The following SPARCL1 variants were observed in gnomAD, a reference collection of about 807,000 sequenced individuals.
SPARCL1 encodes SPARC-like protein 1.
SPARCL1 carries 52 observed loss-of-function variants against 67.1 expected under a neutral mutation model. The ratio of observed to expected loss-of-function variants is 0.78; its 90% confidence interval spans 0.62 to 0.98. SPARCL1 has a LOEUF of 0.98. SPARCL1 is among the 50% of genes least tolerant of loss of function. The probability of loss-of-function intolerance (pLI) is 0.00; values close to 1 mark genes in which losing one functional copy is unlikely to be tolerated. For missense variants in SPARCL1, 717 were observed against 782.4 expected, an observed-to-expected ratio of 0.92 and a Z score of 1.00; for synonymous variants, 226 against 267.8, an observed-to-expected ratio of 0.84 and a Z score of 1.52.
intron 8 of SPARCL1, among the ~76,000 whole-genome samples, 193 bp downstream of exon 8, chr4:87,482,231 G>A (rs930894056): frequency 6.6e-6 from 1 of 152,206 alleles, no homozygotes; most frequent in Non-Finnish European, 1.5e-5. Flanking sequence ...GAATGGGGCG[G>A]TTTGGTGGTG....
At chr4:87,518,385 C>T (rs913369844) in intron 1 of SPARCL1, among the ~76,000 whole-genome samples, 6 of 152,104 alleles carry the variant, frequency 3.9e-5, no homozygotes, top group Non-Finnish European at 7.4e-5. Flanking sequence ...TGCTTGAGCC[C>T]GGGAGTTTGA....
At chr4:87,482,951 A>G (rs1313733159) in intron 7 of SPARCL1, among the ~76,000 whole-genome samples, 1 of 152,200 alleles carries the variant, frequency 6.6e-6, no homozygotes, top group African/African-American at 2.4e-5. Flanking sequence ...CTGATACTAC[A>G]GTAAGAAATA....
At chr4:87,507,282 T>C (rs1420797145) in intron 1 of SPARCL1, among the ~76,000 whole-genome samples, 1 of 152,236 alleles carries the variant, frequency 6.6e-6, no homozygotes, top group Non-Finnish European at 1.5e-5. Context: ...TTTCTTTTTG[T>C]TTGTTGCAGC....
At position 87,522,342 on chromosome 4, in the gene SPARCL1, G is replaced by C. The variant is rs1725851142; in HGVS notation, c.-12+6703C>G. ...ATTGAACCTACCACCATAAGAGTCTGAGCTAGGGATAGACATGGTCATGCC... is the reference window on the plus strand; with the variant it reads ...ATTGAACCTACCACCATAAGAGTCTCAGCTAGGGATAGACATGGTCATGCC... On this transcript the variant is annotated intron_variant, in intron 1 of 10. Coordinates refer to ENST00000282470, the MANE Select transcript of SPARCL1 (RefSeq NM_004684.6). 2.0e-5 allele frequency among the ~76,000 whole-genome samples: 3 copies of C among 151,944 alleles called. No homozygotes were observed. In the South Asian group the frequency reaches 6.2e-4, roughly 32 times the overall value.
At chr4:87,505,189 G>A (rs1383993848) in intron 1 of SPARCL1, among the ~76,000 whole-genome samples, 2 of 152,118 alleles carry the variant, frequency 1.3e-5, no homozygotes, top group African/African-American at 4.8e-5. Context: ...AGACCTAGAT[G>A]ATCCTCTAAC....
At position 87,491,631 on chromosome 4, in the gene SPARCL1, C is replaced by G. The variant is rs1252403448; in HGVS notation, c.1278G>C (p.Arg426Ser). ...ATGCATACTCACCCACAGCATGCAC[C>G]CTCATGTTGCCTTCACTTGACGTTT... ...EEETSSEGNMRVHAVDSCMSF... is the reference protein window; with the variant it reads ...EEETSSEGNMSVHAVDSCMSF... The change falls in exon 5 of 11, where the codon AGG becomes AGC. Residue 426 changes from arginine (R) to serine (S), a missense_variant. Coordinates refer to ENST00000282470, the MANE Select transcript of SPARCL1 (RefSeq NM_004684.6). The G allele has an allele frequency of 1.2e-6, 2 of 1,613,326 alleles. No homozygotes were observed. Among genetic ancestry groups the G allele is most frequent in the East Asian group, 4.5e-5 (2 of 44,868 alleles).
intron 1 of SPARCL1, among the ~76,000 whole-genome samples, chr4:87,517,725 G>C (rs1209223061): frequency 6.6e-6 from 1 of 152,186 alleles, no homozygotes; most frequent in African/African-American, 2.4e-5. Context: ...AACAGAGTAA[G>C]TCAGTTGTTA....
chr4:87,492,085 T>C (rs1724371228), intron 4 of SPARCL1, among the ~76,000 whole-genome samples: 1 of 150,444 alleles, frequency 6.6e-6, no homozygotes, highest in Admixed American at 6.7e-5. Context: ...ATCACTACAC[T>C]CCAGCCTAGG....
chr4:87,526,271 G>A (rs1726038121), intron 1 of SPARCL1, among the ~76,000 whole-genome samples: 1 of 152,172 alleles, frequency 6.6e-6, no homozygotes, highest in South Asian at 2.1e-4. Flanking sequence ...GGGGAAAATA[G>A]TAGTGTCCGA....
intron 4 of SPARCL1, among the ~76,000 whole-genome samples, chr4:87,492,918 T>C (rs1724414332): frequency 6.6e-6 from 1 of 152,256 alleles, no homozygotes; most frequent in Admixed American, 6.5e-5. Flanking sequence ...TTAATCTTTA[T>C]AACTAATTCA....
intron 5 of SPARCL1, 78 bp from the exon 6 acceptor site, chr4:87,490,956 A>G (rs751863084): frequency 3.4e-4 from 294 of 871,414 alleles, no homozygotes; most frequent in Admixed American, 1.7e-3. Context: ...AACTAGTTTC[A>G]TTTTCACTAA....
chr4:87,507,966 G>A (rs141264125), intron 1 of SPARCL1, among the ~76,000 whole-genome samples: 17 of 152,340 alleles, frequency 1.1e-4, no homozygotes, highest in African/African-American at 3.8e-4. Context: ...AAAGGGTGAG[G>A]TATGGGGGAA....
At chr4:87,478,796 A>G (rs1723686240) in intron 10 of SPARCL1, among the ~76,000 whole-genome samples, 1 of 152,164 alleles carries the variant, frequency 6.6e-6, no homozygotes, top group African/African-American at 2.4e-5. Flanking sequence ...TAACTTAAGG[A>G]AAGAAAAGGA....
In SPARCL1 at chr4:87,482,445, T is replaced by A; in HGVS notation, c.1647A>T (p.Leu549=). The change falls in exon 8 of 11, where the codon CTA becomes CTT. Residue 549 remains leucine (L), a synonymous_variant. Coordinates refer to ENST00000282470, the MANE Select transcript of SPARCL1 (RefSeq NM_004684.6). The stretch of plus-strand genomic sequence containing the variant: ...TTACTTTATTTCTCTGCTTCTCATT[T>A]AGATAACCAGCGTGTTCAGAGTTGG... ...YEANSEHAGY[L]NEKQRNKVKK... is the part of the protein sequence containing the mutation. 1.2e-6 allele frequency: 2 copies of A among 1,613,864 alleles called. No homozygotes were observed. Among genetic ancestry groups the A allele is most frequent in the Non-Finnish European group, 1.7e-6 (2 of 1,179,876 alleles).
chr4:87,524,098 T>C (rs1003782374), intron 1 of SPARCL1, among the ~76,000 whole-genome samples: 2 of 152,250 alleles, frequency 1.3e-5, no homozygotes, highest in Admixed American at 6.5e-5. Flanking sequence ...CATAATTGCA[T>C]GACCTAGAAA....
Position 87,499,542 on chromosome 4 carries a change from CAA to C in SPARCL1, c.31_32del (p.Leu11GlyfsTer15), listed in dbSNP as rs1462151681. The C allele has an allele frequency of 6.3e-7, 1 of 1,597,590 alleles. No individual in the cohort carries two copies. The highest frequency in any genetic ancestry group is 8.5e-7 in the Non-Finnish European group (1 of 1,176,070). On this transcript the variant is annotated frameshift_variant, in exon 2 of 11. Transcript: ENST00000282470. LOFTEE classifies it high-confidence loss of function. ...TTACCGGGATTGCAGCTGCAGTTCCCAAGAGACATAGGAAAAAAAGCCCAGTC... is the reference window on the plus strand; with the variant it reads ...TTACCGGGATTGCAGCTGCAGTTCCCGAGACATAGGAAAAAAAGCCCAGTC... Reference protein sequence around the residue: MKTGLFFLCLLGTAAAIPTNA... With the variant: MKTGLFFLCLXGTAAAIPTNA...
intron 1 of SPARCL1, among the ~76,000 whole-genome samples, chr4:87,502,674 T>A (rs1407876415): frequency 6.6e-6 from 1 of 152,090 alleles, no homozygotes; most frequent in Non-Finnish European, 1.5e-5. Flanking sequence ...TGTTCCTTTT[T>A]TCCCCAGTTA....
chr4:87,499,342 T>G (rs1000356868), intron 2 of SPARCL1, among the ~76,000 whole-genome samples, 179 bp downstream of exon 2: 1 of 152,234 alleles, frequency 6.6e-6, no homozygotes, highest in Non-Finnish European at 1.5e-5. Flanking sequence ...TAAAATTTTT[T>G]TTTAAGTACC....
intron 1 of SPARCL1, among the ~76,000 whole-genome samples, chr4:87,503,802 C>T (rs1359261307): frequency 6.6e-6 from 1 of 151,562 alleles, no homozygotes; most frequent in African/African-American, 2.4e-5. Flanking sequence ...CCTCAGCCTC[C>T]CAAGTAGCTG....
Sources: gnomAD v4.1 joint callset for allele counts (sites outside exome capture counted in the v4.1 genomes callset) on GRCh38, gnomAD v4.1.1 for gene constraint, MANE v1.5 for transcripts, NCBI Gene and HGNC (gene_info 2026-07-23, HGNC 2026-07-21) for gene names.